Variants in SRRM2 observed in about 807,000 individuals in gnomAD.
SRRM2 encodes the protein serine/arginine repetitive matrix protein 2.
Under a neutral mutation model 213.8 loss-of-function variants are expected in SRRM2, and 30 were observed. The ratio of observed to expected loss-of-function variants is 0.14; its 90% CI spans 0.10 to 0.19. SRRM2 has a LOEUF of 0.19. Among genes scored for constraint, SRRM2 ranks in the 10% least tolerant of loss-of-function variants. The pLI is 1.00. For synonymous variants in SRRM2, 2,025 were observed against 1,377.7 expected, an observed-to-expected ratio of 1.47 and a Z score of -10.40; for missense variants, 4,904 against 3,647.0, an observed-to-expected ratio of 1.34 and a Z score of -8.88.
chr16:2,762,588 C>T lies in SRRM2; in HGVS notation c.2060C>T (p.Ala687Val). The change falls in exon 11 of 15, where the codon GCC (alanine) becomes GTC (valine). Residue 687 changes from alanine to valine, a missense_variant. By Grantham distance (64) the Ala-to-Val change is moderately conservative (BLOSUM62 0). Coordinates refer to ENST00000301740, the MANE Select transcript of SRRM2 (RefSeq NM_016333.4). The stretch of plus-strand genomic sequence containing the variant: ...GGTCGCTCACGCTCCAGAACACCAG[C>T]CAGGAGAGGGAGGTCTCGGTCTAGG... ...RSGRSRSRTP[A>V]RRGRSRSRTP... 6.2e-7 allele frequency: 1 copy of T among 1,614,116 alleles called. No individual in the cohort carries two copies. Among genetic ancestry groups the T allele is most frequent in the East Asian group, 2.2e-5 (1 of 44,880 alleles).
In SRRM2 at chr16:2,769,058, A is replaced by G. The variant is rs765226343; in HGVS notation, c.7795A>G (p.Thr2599Ala). Residue 2599 changes from threonine (T) to alanine (A), a missense_variant, in exon 12 of 15, where the codon ACC (threonine) becomes GCC (alanine). By Grantham distance (58) the Thr-to-Ala change is moderately conservative (BLOSUM62 0). Coordinates refer to ENST00000301740, the MANE Select transcript of SRRM2 (RefSeq NM_016333.4). ...AVREGRPPEPTPAKRKRRSSS... is the reference protein window; with the variant it reads ...AVREGRPPEPAPAKRKRRSSS... ...TCGAGAGGGACGTCCTCCGGAGCCA[A>G]CCCCAGCCAAACGGAAGAGGCGCTC... 6.8e-6 allele frequency: 11 copies of G among 1,613,762 alleles called. No homozygotes were observed. The East Asian group carries it at 2.0e-4, about 29-fold the overall frequency.
rs1021031323 is a variant in SRRM2, at chr16:2,762,818, T to C, written c.2290T>C (p.Ser764Pro). 2.8e-5 allele frequency: 45 copies of C among 1,614,022 alleles called. No homozygotes were observed. Among genetic ancestry groups the C allele is most frequent in the East Asian group, 4.5e-5 (2 of 44,888 alleles). ...TTCAAGGCGGAGCAGGTCTCTCTCT[T>C]CACCACGGTCCAAAGCAAAATCTCG... ...ISSRRSRSLS[S>P]PRSKAKSRLS... Residue 764 changes from serine to proline, a missense_variant, in exon 11 of 15, where the codon TCA becomes CCA. By Grantham distance (74) the Ser-to-Pro change is moderately conservative. Transcript: ENST00000301740.
chr16:2,770,373 A>G lies in SRRM2; in HGVS notation c.8043A>G (p.Pro2681=), dbSNP rs757544318. ...GERRSRSPRK[P]IDSLRDSRSL... is the part of the protein sequence containing the mutation. ...CCAGGTCCCGCAGCCCCCGGAAGCC[A>G]ATAGACTCCCTCAGGGACTCTCGGT... Residue 2681 remains proline, a synonymous_variant, in exon 13 of 15, where the codon CCA becomes CCG. Transcript: ENST00000301740. The G allele has an allele frequency of 1.2e-5, 20 of 1,606,506 alleles. No homozygotes were observed. In the South Asian group the frequency reaches 2.2e-4, roughly 18 times the overall value.
rs1265618441 is a variant in SRRM2 at position 2,766,465 on chromosome 16, C to T, written c.5937C>T (p.Arg1979=). ...GAAGCAGAACTTCGCCTATCACTCG[C>T]AGAAGATCAAGATCCAGAACATCTC... ...RSRSRTSPIT[R]RRSRSRTSPV... The change falls in exon 11 of 15, where the codon CGC becomes CGT. Residue 1979 remains arginine, a synonymous_variant. Coordinates refer to ENST00000301740, the MANE Select transcript of SRRM2 (RefSeq NM_016333.4). This position sits in a 1 kb window ranked among gnomAD's most constrained non-coding sequence, Gnocchi z 7.0. 1.2e-6 allele frequency: 2 copies of T among 1,613,988 alleles called. No homozygotes were observed. Among genetic ancestry groups the T allele is most frequent in the Non-Finnish European group, 1.7e-6 (2 of 1,180,024 alleles).
rs768028307 is a variant in SRRM2 at position 2,760,459 on chromosome 16, C to T, written c.992C>T (p.Pro331Leu). The change falls in exon 10 of 15, where the codon CCT becomes CTT. Residue 331 changes from proline to leucine, a missense_variant. Physicochemically the swap from Pro to Leu is moderately conservative, Grantham distance 98 (BLOSUM62 -3). Transcript: ENST00000301740. ...AGCCCGGAGACTGCTACGAAACAGC[C>T]TAGCAGCCCTTATGAAGACAAAGAT... is the stretch of plus-strand genomic sequence containing the variant. ...PSSPETATKQ[P>L]SSPYEDKDKD... The T allele has an allele frequency of 1.9e-6, 3 of 1,614,052 alleles. No individual in the cohort carries two copies. Among genetic ancestry groups the T allele is most frequent in the Non-Finnish European group, 2.5e-6 (3 of 1,180,038 alleles).
rs148417227 is a variant in SRRM2, at chr16:2,766,153, A to G, written c.5625A>G (p.Arg1875=). 4 of 1,614,072 alleles carry G rather than the reference A, an allele frequency of 2.5e-6. No homozygotes were observed. The African/African-American group carries it at 5.3e-5, about 22-fold the overall frequency. ...GAGCCTCTCCAGCCACTCACCGGCGATCCAGGTCCAGAACCCCCCTGATAA... is the reference window on the plus strand; with the variant it reads ...GAGCCTCTCCAGCCACTCACCGGCGGTCCAGGTCCAGAACCCCCCTGATAA... The part of the protein sequence containing the change: ...RSRASPATHR[R]SRSRTPLISR... The change falls in exon 11 of 15, where the codon CGA becomes CGG. Residue 1875 remains arginine, a synonymous_variant. Transcript: ENST00000301740. The surrounding 1 kb of genome is among the most constrained non-coding windows in gnomAD (Gnocchi z 7.0).
chr16:2,768,429 G>T, intron 11 of SRRM2, 168 bp downstream of exon 11: 1 of 722,620 alleles, frequency 1.4e-6, no homozygotes, highest in East Asian at 2.7e-5. Flanking sequence ...GGGGCGGAGG[G>T]AGGAGGAATG....
At chr16:2,754,275 C>CTT (rs2068060875) in intron 1 of SRRM2, among the ~76,000 whole-genome samples, 2 of 151,680 alleles carry the variant, frequency 1.3e-5, no homozygotes, top group Non-Finnish European at 2.9e-5. Flanking sequence ...ATATCCTTTG[C>CTT]TTAGCACCTA....
Position 2,770,854 on chromosome 16 carries a change from G to A in SRRM2, c.8250-4G>A. The A allele has an allele frequency of 6.2e-7, 1 of 1,614,030 alleles. No homozygotes were observed. Among genetic ancestry groups the A allele is most frequent in the East Asian group, 2.2e-5 (1 of 44,880 alleles). ...TCCCTGTTGACCCATATCTTCTCTT[G>A]CAGGTCTCCATAAATTGTCTTTGGG... On this transcript the variant is annotated splice_polypyrimidine_tract_variant and splice_region_variant and intron_variant, in intron 14 of 14. Transcript: ENST00000301740.
Position 2,762,361 on chromosome 16 carries a change from G to T in SRRM2, c.1833G>T (p.Arg611=), listed in dbSNP as rs372017967. 9 of 1,610,500 alleles carry T rather than the reference G, an allele frequency of 5.6e-6. No homozygotes were observed. The African/African-American group carries it at 1.2e-4, about 22-fold the overall frequency. The change falls in exon 11 of 15, where the codon CGG becomes CGT. Residue 611 remains arginine, a synonymous_variant. Coordinates refer to ENST00000301740, the MANE Select transcript of SRRM2 (RefSeq NM_016333.4). ...GGTCTCGGTCTAGAACACCAGCCCGGAGGGGCAGGTCTCGGTCTAGAACAC... is the reference window on the plus strand; with the variant it reads ...GGTCTCGGTCTAGAACACCAGCCCGTAGGGGCAGGTCTCGGTCTAGAACAC... ...RRRSRSRTPA[R]RGRSRSRTPA...
Position 2,765,333 on chromosome 16 carries a change from C to T in SRRM2, c.4805C>T (p.Pro1602Leu). Reference protein sequence around the residue: ...SPRRSRSGSSPEVKDKPRAAP... With the variant: ...SPRRSRSGSSLEVKDKPRAAP... ...CGGCGCAGTAGGTCTGGTTCCTCCC[C>T]TGAAGTGAAAGATAAGCCAAGAGCA... The change falls in exon 11 of 15, where the codon CCT becomes CTT. Residue 1602 changes from proline to leucine, a missense_variant. By Grantham distance (98) the Pro-to-Leu change is moderately conservative. Coordinates refer to ENST00000301740, the MANE Select transcript of SRRM2 (RefSeq NM_016333.4). 6.2e-7 allele frequency: 1 copy of T among 1,614,166 alleles called. No homozygotes were observed. The highest frequency in any genetic ancestry group is 1.1e-5 in the South Asian group (1 of 91,086).
At chr16:2,768,474 G>T in intron 11 of SRRM2, 1 of 681,758 alleles carries the variant, frequency 1.5e-6, no homozygotes, top group South Asian at 1.6e-5. Flanking sequence ...TCATTCTCTA[G>T]AGGATAATGA....
At chr16:2,758,449 C>T (rs772953065) in intron 4 of SRRM2, 21 bp from the exon 5 acceptor site, 3 of 1,601,966 alleles carry the variant, frequency 1.9e-6, no homozygotes, top group Admixed American at 1.7e-5. Flanking sequence ...CCCATCTCTG[C>T]TGCTTTTCAT....
rs889619199 is a variant in SRRM2 at position 2,766,536 on chromosome 16, G to C, written c.6008G>C (p.Arg2003Pro). ...CGATCTCGCACATCTCCAGTAACTCGAAGAAGGTCCCGCTCTCGAACCTCA... is the reference window on the plus strand; with the variant it reads ...CGATCTCGCACATCTCCAGTAACTCCAAGAAGGTCCCGCTCTCGAACCTCA... ...RSRSRTSPVT[R>P]RRSRSRTSPV... The change falls in exon 11 of 15, where the codon CGA becomes CCA. Residue 2003 changes from arginine to proline, a missense_variant. Transcript: ENST00000301740. The surrounding 1 kb of genome is among the most constrained non-coding windows in gnomAD (Gnocchi z 7.0). 1 of 1,613,748 alleles carries C rather than the reference G, an allele frequency of 6.2e-7. No homozygotes were observed. Among genetic ancestry groups the C allele is most frequent in the African/African-American group, 1.3e-5 (1 of 74,860 alleles).
Position 2,764,488 on chromosome 16 carries a change from C to T in SRRM2, c.3960C>T (p.Ser1320=). The change falls in exon 11 of 15, where the codon TCC becomes TCT. Residue 1320 remains serine, a synonymous_variant. Coordinates refer to ENST00000301740, the MANE Select transcript of SRRM2 (RefSeq NM_016333.4). ...CAGAACATAAAGAACTGTCTAACTC[C>T]CCACTCAGGGAGAACAGCTTTGGAT... ...FSPEHKELSN[S]PLRENSFGSP... is the part of the protein sequence containing the mutation. 4 of 1,614,124 alleles carry T rather than the reference C, an allele frequency of 2.5e-6. No homozygotes were observed. Among genetic ancestry groups the T allele is most frequent in the Non-Finnish European group, 3.4e-6 (4 of 1,180,022 alleles).
Position 2,766,224 on chromosome 16 carries a change from G to A in SRRM2, c.5696G>A (p.Arg1899Gln), listed in dbSNP as rs1240655122. Reference sequence around the variant, plus strand: ...CGAACTTCACCAGTCAGCCGGAGACGGTCAAGGTCCAGGACTTCAGTGACT... The same window carrying A: ...CGAACTTCACCAGTCAGCCGGAGACAGTCAAGGTCCAGGACTTCAGTGACT... ...RSRTSPVSRR[R>Q]SRSRTSVTRR... Residue 1899 changes from arginine (R) to glutamine (Q), a missense_variant, in exon 11 of 15, where the codon CGG becomes CAG. Physicochemically the swap from Arg to Gln is conservative, Grantham distance 43. Coordinates refer to ENST00000301740, the MANE Select transcript of SRRM2 (RefSeq NM_016333.4). The surrounding 1 kb of genome is among the most constrained non-coding windows in gnomAD (Gnocchi z 7.0). The A allele has an allele frequency of 3.1e-6, 5 of 1,614,046 alleles. No homozygotes were observed. The highest frequency in any genetic ancestry group is 2.2e-5 in the South Asian group (2 of 91,084).
intron 2 of SRRM2, 152 bp downstream of exon 2, chr16:2,756,758 A>G: frequency 8.9e-7 from 1 of 1,122,200 alleles, no homozygotes; most frequent in South Asian, 1.6e-5. Context: ...AAGTGAAAAC[A>G]GTTAAGGGAC....
rs1289628540 is a variant in SRRM2 at position 2,765,862 on chromosome 16, G to C, written c.5334G>C (p.Arg1778Ser). Residue 1778 changes from arginine (R) to serine (S), a missense_variant, in exon 11 of 15, where the codon AGG becomes AGC. Physicochemically the swap from Arg to Ser is moderately radical, Grantham distance 110 (BLOSUM62 -1). Transcript: ENST00000301740. ...TCCAGAGGTCCCGTTCCCGCTCAAG[G>C]AGAGAGAAAACAAGAACAACCCGAC... ...RGLQRSRSRS[R>S]REKTRTTRRR... 2 of 1,614,112 alleles carry C rather than the reference G, an allele frequency of 1.2e-6. No homozygotes were observed. Among genetic ancestry groups the C allele is most frequent in the Non-Finnish European group, 1.7e-6 (2 of 1,180,022 alleles).
chr16:2,770,392 T>G lies in SRRM2; in HGVS notation c.8062T>G (p.Ser2688Ala), dbSNP rs1432125405. Reference protein sequence around the residue: ...PRKPIDSLRDSRSLSYSPVER... With the variant: ...PRKPIDSLRDARSLSYSPVER... ...GAAGCCAATAGACTCCCTCAGGGAC[T>G]CTCGGTCCCTCAGCTACTCGCCTGT... Residue 2688 changes from serine (S) to alanine (A), a missense_variant, in exon 13 of 15, where the codon TCT becomes GCT. Ser to Ala is a moderately conservative substitution (Grantham distance 99). Coordinates refer to ENST00000301740, the MANE Select transcript of SRRM2 (RefSeq NM_016333.4). The G allele has an allele frequency of 1.2e-6, 2 of 1,609,112 alleles. No individual in the cohort carries two copies. The highest frequency in any genetic ancestry group is 1.1e-5 in the South Asian group (1 of 89,886).
Sources: gnomAD v4.1 joint callset for allele counts (sites outside exome capture counted in the v4.1 genomes callset) on GRCh38, gnomAD v4.1.1 for gene constraint, Gnocchi (gnomAD v3.1) non-coding constraint, MANE v1.5 for transcripts, NCBI Gene and HGNC (gene_info 2026-07-23, HGNC 2026-07-21) for gene names.